Variants in TMEM217B observed in about 807,000 individuals in gnomAD.
TMEM217B encodes putative transmembrane protein 217B.
the TMEM217B span, among the ~76,000 whole-genome samples, chr6:37,214,495 G>A: frequency 6.6e-6 from 1 of 152,114 alleles, no homozygotes; most frequent in African/African-American, 2.4e-5. Context: ...CCAAAGTGCT[G>A]GGATTACAGG....
chr6:37,231,162 C>T, the TMEM217B span, among the ~76,000 whole-genome samples: 4 of 151,284 alleles, frequency 2.6e-5, no homozygotes, highest in Admixed American at 6.6e-5. Flanking sequence ...CGGGTTCAAG[C>T]GATTCTCCTG....
the TMEM217B span, among the ~76,000 whole-genome samples, chr6:37,216,022 TGTGTGTGTGTGA>T: frequency 1.2e-4 from 10 of 86,324 alleles, no homozygotes; most frequent in Admixed American, 1.2e-3. Context: ...TGTGTGTGTG[TGTGTGTGTGTGA>T]GAAACAGATA....
At chr6:37,218,323 C>T in the TMEM217B span, 1 of 1,174,160 alleles carries the variant, frequency 8.5e-7, no homozygotes, top group Non-Finnish European at 1.2e-6. Flanking sequence ...TGTGTGCCGC[C>T]ACGCCTGGCT....
the TMEM217B span, among the ~76,000 whole-genome samples, chr6:37,257,335 C>T: frequency 6.6e-6 from 1 of 152,056 alleles, no homozygotes; most frequent in African/African-American, 2.4e-5. Context: ...TTCAGAAAAA[C>T]GAATGGACAT....
the TMEM217B span, among the ~76,000 whole-genome samples, chr6:37,222,243 G>C: frequency 6.6e-6 from 1 of 152,208 alleles, no homozygotes; most frequent in African/African-American, 2.4e-5. Context: ...GGCTCTCCCT[G>C]GCCTGAGGGT....
chr6:37,230,948 T>C, the TMEM217B span, among the ~76,000 whole-genome samples: 1 of 152,162 alleles, frequency 6.6e-6, no homozygotes, highest in Non-Finnish European at 1.5e-5. Flanking sequence ...TTTGTTATTG[T>C]TTGTTTTTGT....
chr6:37,229,344 T>TTTTTTG, the TMEM217B span, among the ~76,000 whole-genome samples: 2 of 127,784 alleles, frequency 1.6e-5, no homozygotes, highest in Middle Eastern at 3.9e-3. Flanking sequence ...AGTTTTTTTT[T>TTTTTTG]TTTTTTTTTT....
chr6:37,233,351 A>C, the TMEM217B span, among the ~76,000 whole-genome samples: 6 of 152,280 alleles, frequency 3.9e-5, no homozygotes, highest in South Asian at 1.0e-3. Flanking sequence ...ATATGTCACA[A>C]CACCACAGAC....
the TMEM217B span, among the ~76,000 whole-genome samples, chr6:37,255,623 G>A: frequency 6.6e-6 from 1 of 151,630 alleles, no homozygotes; most frequent in Non-Finnish European, 1.5e-5. Flanking sequence ...GATGGAGGTT[G>A]TAGTGTGCTG....
chr6:37,247,174 T>C, the TMEM217B span, among the ~76,000 whole-genome samples: 9,997 of 152,196 alleles, frequency 0.066, 1,064 homozygotes, highest in African/African-American at 0.22. Flanking sequence ...CCTGCTGCAG[T>C]ATCTTTTGTC....
chr6:37,218,085 T>C, the TMEM217B span: 2 of 1,016,350 alleles, frequency 2.0e-6, no homozygotes, highest in Non-Finnish European at 2.4e-6. Flanking sequence ...GAAATAGAAC[T>C]ACCCTGGGAA....
At chr6:37,225,009 TAA>T in the TMEM217B span, among the ~76,000 whole-genome samples, 4 of 132,204 alleles carry the variant, frequency 3.0e-5, no homozygotes, top group Admixed American at 7.7e-5. Flanking sequence ...CCCATCTCTA[TAA>T]AAAAAAAAAA....
chr6:37,256,934 G>A, the TMEM217B span, among the ~76,000 whole-genome samples: 2 of 152,186 alleles, frequency 1.3e-5, no homozygotes, highest in African/African-American at 4.8e-5. Context: ...AAATCTCATT[G>A]TCTGGGAAAA....
At chr6:37,226,062 T>C in the TMEM217B span, among the ~76,000 whole-genome samples, 1 of 152,162 alleles carries the variant, frequency 6.6e-6, no homozygotes, top group African/African-American at 2.4e-5. Context: ...ACTTCTTTAT[T>C]GACGAAGTGT....
the TMEM217B span, chr6:37,258,021 C>A: frequency 6.3e-7 from 1 of 1,596,798 alleles, no homozygotes; most frequent in Non-Finnish European, 8.5e-7. Context: ...CAAACCCTTC[C>A]AGATCCTAAT....
chr6:37,255,496 A>C, the TMEM217B span, among the ~76,000 whole-genome samples: 1 of 152,146 alleles, frequency 6.6e-6, no homozygotes, highest in Non-Finnish European at 1.5e-5. Context: ...CAGCCTGGGC[A>C]ACATGGTGAA....
At chr6:37,215,995 GT>G in the TMEM217B span, among the ~76,000 whole-genome samples, 12 of 9,452 alleles carry the variant, frequency 1.3e-3, no homozygotes, top group South Asian at 0.015. Flanking sequence ...GTTCTTCAGG[GT>G]GTGTGTGTGT....
At chr6:37,255,004 C>G in the TMEM217B span, among the ~76,000 whole-genome samples, 5 of 152,196 alleles carry the variant, frequency 3.3e-5, no homozygotes, top group Non-Finnish European at 7.3e-5. Context: ...GAATCTGCTG[C>G]TGCTGCTGAT....
chr6:37,212,478 G>A, the TMEM217B span: 1 of 454,992 alleles, frequency 2.2e-6, no homozygotes, highest in East Asian at 7.0e-5. Flanking sequence ...CTGCAATGGT[G>A]GAGCAGAGCC....
Sources: allele counts gnomAD v4.1 joint callset (sites outside exome capture counted in the v4.1 genomes callset), GRCh38; gene constraint gnomAD v4.1.1; transcripts MANE v1.5; gene names NCBI Gene and HGNC (gene_info 2026-07-23, HGNC 2026-07-21).